VSIG10L: variants seen among roughly 807,000 people sequenced by gnomAD.
VSIG10L encodes the protein V-set and immunoglobulin domain containing 10 like.
A neutral mutation model predicts 67.3 loss-of-function variants in VSIG10L; 63 were observed. That is an observed-to-expected ratio of 0.94 (90% CI 0.76 to 1.15). The LOEUF is 1.15. VSIG10L is among the 50% of genes most tolerant of loss of function. The probability of loss-of-function intolerance (pLI) is 0.00; values close to 1 mark genes in which losing one functional copy is unlikely to be tolerated. For synonymous variants in VSIG10L, 499 were observed against 524.9 expected (o/e 0.95, Z 0.67); for missense variants, 1,050 against 1,177.5 (o/e 0.89, Z 1.58).
At position 51,338,134 on chromosome 19, in the gene VSIG10L, C is replaced by T. The variant is rs1985533920; in HGVS notation, c.1804G>A (p.Ala602Thr). Residue 602 changes from alanine to threonine, a missense_variant, in exon 6 of 10, where the codon GCC (alanine) becomes ACC (threonine). Ala to Thr is a moderately conservative substitution (Grantham distance 58). This residue lies in a region of VSIG10L where 529 missense variants were observed against 584.9 expected (regional missense o/e 0.90). Transcript: ENST00000335624. ...RLGEAEVALE[A>T]SGCPPPSRAS... Reference sequence around the variant, plus strand: ...CGTGAGGGTGGGGGACAACCAGAGGCCTCCAGTGCCACCTCTGCCTCCCCC... The same window carrying T: ...CGTGAGGGTGGGGGACAACCAGAGGTCTCCAGTGCCACCTCTGCCTCCCCC... 2 of 1,544,032 alleles carry T rather than the reference C, an allele frequency of 1.3e-6. No homozygotes were observed. The highest frequency in any genetic ancestry group is 2.0e-5 in the Admixed American group (1 of 50,006).
At position 51,342,051 on chromosome 19, in the gene VSIG10L, G is replaced by C; in HGVS notation, c.40+34C>G. ...GGCATTGGGGGAGGCTGCTGAGGGA[G>C]ACTGACAGGGAAGGGACTGAGCAGG... On this transcript the variant is annotated intron_variant, in intron 1 of 9. Coordinates refer to ENST00000335624, the MANE Select transcript of VSIG10L (RefSeq NM_001163922.3). This position sits in a 1 kb window ranked among gnomAD's most constrained non-coding sequence, Gnocchi z 4.4. 1 of 1,551,772 alleles carries C rather than the reference G, an allele frequency of 6.4e-7. No homozygotes were observed. Among genetic ancestry groups the C allele is most frequent in the Non-Finnish European group, 8.7e-7 (1 of 1,147,010 alleles).
chr19:51,333,326 C>T (rs1205664017), intron 9 of VSIG10L, among the ~76,000 whole-genome samples: 2 of 152,088 alleles, frequency 1.3e-5, no homozygotes, highest in African/African-American at 4.8e-5. Context: ...GTTAGGAGTT[C>T]GGGACCAGCC....
intron 8 of VSIG10L, 108 bp downstream of exon 8, chr19:51,334,083 G>A (rs1985421490): frequency 1.4e-5 from 20 of 1,454,014 alleles, no homozygotes; most frequent in East Asian, 2.5e-5. Flanking sequence ...AGGGCAGGAT[G>A]GATGACCTAT....
chr19:51,339,688 G>A (rs1259965177), intron 4 of VSIG10L: 1 of 259,154 alleles, frequency 3.9e-6, no homozygotes, highest in African/African-American at 2.2e-5. Flanking sequence ...TGTCGACTTT[G>A]TCGAGTGTTC....
Position 51,332,451 on chromosome 19 carries a change from G to A in VSIG10L, c.*160C>T. 4 of 801,218 alleles carry A rather than the reference G, an allele frequency of 5.0e-6. No individual in the cohort carries two copies. The South Asian group carries it at 5.8e-5, about 12-fold the overall frequency. The allele number at this position is 801,218 out of a possible 1,614,324, so 49.6% of individuals were successfully genotyped here. ...CTCTTCTTCTGCAGCAAGAGAGGGAGACAGAAAGTCCCACTTTCAGGGTCC... is the reference window on the plus strand; with the variant it reads ...CTCTTCTTCTGCAGCAAGAGAGGGAAACAGAAAGTCCCACTTTCAGGGTCC... On this transcript the variant is annotated 3_prime_UTR_variant, in exon 10 of 10. Coordinates refer to ENST00000335624, the MANE Select transcript of VSIG10L (RefSeq NM_001163922.3).
At chr19:51,334,141 G>GAAAGA in intron 8 of VSIG10L, 50 bp downstream of exon 8, 3 of 1,538,826 alleles carry the variant, frequency 1.9e-6, no homozygotes, top group Non-Finnish European at 2.6e-6. Flanking sequence ...CTCTTTCTAG[G>GAAAGA]GTCCCTCCCC....
chr19:51,340,628 C>G lies in VSIG10L; in HGVS notation c.994G>C (p.Gly332Arg). 1 of 1,534,472 alleles carries G rather than the reference C, an allele frequency of 6.5e-7. No individual in the cohort carries two copies. Among genetic ancestry groups the G allele is most frequent in the East Asian group, 2.4e-5 (1 of 40,862 alleles). Residue 332 changes from glycine to arginine, a missense_variant, in exon 3 of 10, where the codon GGG becomes CGG. Physicochemically the swap from Gly to Arg is moderately radical, Grantham distance 125. Transcript: ENST00000335624. This position sits in a 1 kb window ranked among gnomAD's most constrained non-coding sequence, Gnocchi z 6.3. ...CCGTCCCGGCTCCAGCTCAGCTCCC[C>G]GCGACCTGGCCCCCACCCCAGGCAG... ...LRCLGWGPGR[G>R]ELSWSRDGRA...
chr19:51,337,878 T>C (rs1985524440), intron 6 of VSIG10L, 52 bp downstream of exon 6: 3 of 1,490,642 alleles, frequency 2.0e-6, no homozygotes, highest in East Asian at 2.5e-5. Context: ...GTCTGAGGGC[T>C]GGAGCGGCTG....
At chr19:51,332,746 T>A in intron 9 of VSIG10L, 106 bp from the exon 10 acceptor site, 1 of 1,146,990 alleles carries the variant, frequency 8.7e-7, no homozygotes, top group Non-Finnish European at 1.2e-6. Flanking sequence ...TTTTAGAGAT[T>A]ATCTGGGAAC....
At position 51,341,468 on chromosome 19, in the gene VSIG10L, G is replaced by A; in HGVS notation, c.580C>T (p.Gln194Ter). 4 of 1,546,236 alleles carry A rather than the reference G, an allele frequency of 2.6e-6. No individual in the cohort carries two copies. Among genetic ancestry groups the A allele is most frequent in the Non-Finnish European group, 3.5e-6 (4 of 1,144,020 alleles). ...ETHSAASFPQ[Q>*]VGGPLAVLVG... ...AGCACAGCGAGTGGGCCCCCCACCT[G>A]CTGGGGAAAGCTTGCAGCTGAGTGG... The change falls in exon 2 of 10, where the codon CAG (glutamine) becomes TAG (stop). Residue 194 changes from glutamine (Q) to a stop codon, truncating the protein, a stop_gained. Coordinates refer to ENST00000335624, the MANE Select transcript of VSIG10L (RefSeq NM_001163922.3). LOFTEE classifies it high-confidence loss of function.
intron 9 of VSIG10L, 85 bp downstream of exon 9, chr19:51,333,706 A>G (rs1171259987): frequency 7.1e-7 from 1 of 1,402,462 alleles, no homozygotes; most frequent in Non-Finnish European, 9.4e-7. Context: ...CTGGAGTTAG[A>G]TAATTGAGAC....
In VSIG10L at chr19:51,340,578, C is replaced by G. The variant is rs1012103282; in HGVS notation, c.1044G>C (p.Ser348=). 18 of 1,535,468 alleles carry G rather than the reference C, an allele frequency of 1.2e-5. No homozygotes were observed. Among genetic ancestry groups the G allele is most frequent in the Non-Finnish European group, 1.4e-5 (16 of 1,146,218 alleles). The change falls in exon 3 of 10, where the codon TCG becomes TCC. Residue 348 remains serine, a synonymous_variant. Transcript: ENST00000335624. The surrounding 1 kb of genome is among the most constrained non-coding windows in gnomAD (Gnocchi z 6.3). ...RDGRALEAAE[S]EGAETPRMRS... is the part of the protein sequence containing the mutation. ...GCATCCGGGGCGTCTCGGCTCCCTC[C>G]GATTCCGCCGCCTCCAGGGCGCGTC...
chr19:51,335,770 G>A (rs1304897197), intron 7 of VSIG10L, among the ~76,000 whole-genome samples: 1 of 152,046 alleles, frequency 6.6e-6, no homozygotes, highest in Non-Finnish European at 1.5e-5. Flanking sequence ...AAATTAGCTG[G>A]GCGTGGTGGC....
chr19:51,338,229 G>A (rs1985537345), intron 5 of VSIG10L, 21 bp from the exon 6 acceptor site: 1 of 1,454,800 alleles, frequency 6.9e-7, no homozygotes, highest in African/African-American at 1.4e-5. Flanking sequence ...GAGAAGTCCA[G>A]TTAAGAAAGT....
chr19:51,332,399 C>G lies in VSIG10L; in HGVS notation c.*212G>C. The G allele has an allele frequency of 1.5e-6, 1 of 661,820 alleles. No homozygotes were observed. The highest frequency in any genetic ancestry group is 1.6e-5 in the South Asian group (1 of 60,630). 41.0% of individuals were successfully genotyped at this position (661,820 alleles called of 1,614,324 possible). A position where few individuals can be genotyped will look rare whatever the true frequency, so the allele number is the denominator to read the frequency against. On this transcript the variant is annotated 3_prime_UTR_variant, in exon 10 of 10. Coordinates refer to ENST00000335624, the MANE Select transcript of VSIG10L (RefSeq NM_001163922.3). ...GAGTTTCCCAGCCAAGAAGTCACAT[C>G]TCCTTACTTGCACAAATACAGGAAG...
Position 51,342,117 on chromosome 19 carries a change from T to G in VSIG10L, c.8A>C (p.Asn3Thr), listed in dbSNP as rs10414211. 912,405 of 1,551,148 alleles carry G rather than the reference T, an allele frequency of 0.59. 270,114 individuals are homozygous for G. The highest frequency in any genetic ancestry group is 0.73 in the South Asian group (61,516 of 84,048). ...TAGGAAGAGTGGCAGAGCCTGTGGG[T>G]TGTCCATGGTGCTGGCCTCACTGAA... MD[N>T]PQALPLFLLL... is the part of the protein sequence containing the mutation. The change falls in exon 1 of 10, where the codon AAC (asparagine) becomes ACC (threonine). Residue 3 changes from asparagine (N) to threonine (T), a missense_variant. Asn to Thr is a moderately conservative substitution (Grantham distance 65, BLOSUM62 0). This residue lies in a region of VSIG10L where 511 missense variants were observed against 557.9 expected (regional missense o/e 0.92). Transcript: ENST00000335624. The surrounding 1 kb of genome is among the most constrained non-coding windows in gnomAD (Gnocchi z 4.4).
At position 51,342,017 on chromosome 19, in the gene VSIG10L, A is replaced by T; in HGVS notation, c.41-10T>A. The T allele has an allele frequency of 2.6e-6, 4 of 1,551,766 alleles. No homozygotes were observed. Among genetic ancestry groups the T allele is most frequent in the Non-Finnish European group, 3.5e-6 (4 of 1,146,988 alleles). On this transcript the variant is annotated splice_polypyrimidine_tract_variant and intron_variant, in intron 1 of 9. Coordinates refer to ENST00000335624, the MANE Select transcript of VSIG10L (RefSeq NM_001163922.3). The surrounding 1 kb of genome is among the most constrained non-coding windows in gnomAD (Gnocchi z 4.4). Reference sequence around the variant, plus strand: ...ATCCCTACCAAGGAGGCTGCAGAGAAGAGAGGAAGGCATTGGGGGAGGCTG... The same window carrying T: ...ATCCCTACCAAGGAGGCTGCAGAGATGAGAGGAAGGCATTGGGGGAGGCTG...
At chr19:51,339,534 A>C in intron 4 of VSIG10L, 2 of 232,012 alleles carry the variant, frequency 8.6e-6, no homozygotes, top group African/African-American at 2.3e-5. Flanking sequence ...TTCTAAGACA[A>C]TTCTGCCCGC....
At chr19:51,339,181 TC>T in intron 4 of VSIG10L, 39 bp from the exon 5 acceptor site, 1 of 1,266,130 alleles carries the variant, frequency 7.9e-7, no homozygotes, top group Non-Finnish European at 1.0e-6. Flanking sequence ...GGAGTCCCTT[TC>T]TCATTTCTTC....
Sources: allele counts gnomAD v4.1 joint callset (sites outside exome capture counted in the v4.1 genomes callset), GRCh38; gene constraint gnomAD v4.1.1; regional missense constraint gnomAD v4.1.1; non-coding constraint Gnocchi (gnomAD v3.1); transcripts MANE v1.5; gene names NCBI Gene and HGNC (gene_info 2026-07-23, HGNC 2026-07-21).